RSPH14: variants seen among roughly 807,000 people sequenced by gnomAD.
RSPH14 encodes rhabdoid tumor deletion region gene 1.
RSPH14 carries 20 observed loss-of-function variants against 26.7 expected under a neutral mutation model. The ratio of observed to expected loss-of-function variants is 0.75; its 90% confidence interval spans 0.53 to 1.09. The LOEUF is 1.09. Ranked by LOEUF, RSPH14 falls within the 50% of genes least tolerant of loss-of-function variation. The probability of loss-of-function intolerance (pLI) is 0.00; values close to 1 mark genes in which losing one functional copy is unlikely to be tolerated. For synonymous variants in RSPH14, 177 were observed against 189.3 expected (o/e 0.93, Z 0.53); for missense variants, 449 against 457.2 (o/e 0.98, Z 0.16).
the RSPH14 span, chr22:23,159,334 T>A: frequency 1.5e-6 from 2 of 1,335,558 alleles, no homozygotes; most frequent in Non-Finnish European, 2.1e-6. Flanking sequence ...ATGCAGTGTT[T>A]CCCTCTGTAG....
intron 4 of RSPH14, among the ~76,000 whole-genome samples, chr22:23,126,521 G>A (rs1360709757): frequency 6.6e-6 from 1 of 152,236 alleles, no homozygotes; most frequent in African/African-American, 2.4e-5. Context: ...CAGGGCTCCA[G>A]GGTCGAGTGG....
At chr22:23,162,577 G>C in the RSPH14 span, 1 of 451,268 alleles carries the variant, frequency 2.2e-6, no homozygotes, top group Non-Finnish European at 4.5e-6. Context: ...CACATGCAGA[G>C]CAGACAGAAA....
chr22:23,070,035 C>T (rs1040575256), intron 4 of RSPH14, among the ~76,000 whole-genome samples: 8 of 152,162 alleles, frequency 5.3e-5, no homozygotes, highest in Non-Finnish European at 1.0e-4. Flanking sequence ...CCAGAGGTGG[C>T]CCCTGGGGCT....
At chr22:23,070,315 C>T (rs1245430579) in intron 4 of RSPH14, 1 of 145,202 alleles carries the variant, frequency 6.9e-6, no homozygotes, top group Non-Finnish European at 1.5e-5. Context: ...CGCCCCCTGC[C>T]GGCGGCGGCG....
chr22:23,066,306 TAGA>T (rs2068210286), intron 4 of RSPH14, among the ~76,000 whole-genome samples: 1 of 152,014 alleles, frequency 6.6e-6, no homozygotes, highest in African/African-American at 2.4e-5. Context: ...GGGAGGAATA[TAGA>T]AGGAGTTGAG....
chr22:23,116,732 C>T (rs2069848119), intron 4 of RSPH14, among the ~76,000 whole-genome samples: 1 of 152,224 alleles, frequency 6.6e-6, no homozygotes, highest in South Asian at 2.1e-4. Flanking sequence ...GCTTGTCCCA[C>T]ACAGCTGCCT....
At chr22:23,175,306 AT>A in the RSPH14 span, among the ~76,000 whole-genome samples, 5 of 149,746 alleles carry the variant, frequency 3.3e-5, no homozygotes, top group South Asian at 2.1e-4. Flanking sequence ...CAAAAAATCT[AT>A]TTTTTTTTAA....
At chr22:23,131,366 C>A in intron 4 of RSPH14, 1 of 226,036 alleles carries the variant, frequency 4.4e-6, no homozygotes, top group Non-Finnish European at 9.1e-6. Flanking sequence ...ACATAGTCAC[C>A]AGATTATTAG....
chr22:23,142,849 G>C (rs984151848), upstream of RSPH14, among the ~76,000 whole-genome samples: 2 of 152,202 alleles, frequency 1.3e-5, no homozygotes, highest in African/African-American at 4.8e-5. Context: ...TCTCAGGGCT[G>C]AGTCCAAACT....
At chr22:23,131,390 G>A (rs917094900) in intron 4 of RSPH14, 2 of 226,834 alleles carry the variant, frequency 8.8e-6, no homozygotes. Flanking sequence ...CTCAAGGAAA[G>A]GCAGGAGGAA....
At chr22:23,081,197 G>A (rs1417324831) in intron 4 of RSPH14, among the ~76,000 whole-genome samples, 6 of 152,204 alleles carry the variant, frequency 3.9e-5, no homozygotes, top group Non-Finnish European at 8.8e-5. Context: ...ACAGCCTAAA[G>A]TTCAGATTCC....
intron 4 of RSPH14, among the ~76,000 whole-genome samples, chr22:23,122,217 C>A (rs2070051535): frequency 6.6e-6 from 1 of 152,210 alleles, no homozygotes; most frequent in African/African-American, 2.4e-5. Flanking sequence ...GGGAGTCAGA[C>A]AAGAGCATCA....
At chr22:23,113,720 C>T (rs1231326769) in intron 4 of RSPH14, among the ~76,000 whole-genome samples, 1 of 152,240 alleles carries the variant, frequency 6.6e-6, no homozygotes, top group Non-Finnish European at 1.5e-5. Flanking sequence ...GTGGGGCCCA[C>T]TCGCCCTCTC....
At chr22:23,171,418 C>A in the RSPH14 span, among the ~76,000 whole-genome samples, 1 of 152,208 alleles carries the variant, frequency 6.6e-6, no homozygotes, top group East Asian at 1.9e-4. Flanking sequence ...ATTCAAGCAA[C>A]CCTCCCACCT....
intron 4 of RSPH14, among the ~76,000 whole-genome samples, chr22:23,082,378 T>C (rs953638184): frequency 3.3e-5 from 2 of 61,498 alleles, no homozygotes; most frequent in East Asian, 1.2e-3. Context: ...CACCTGGCTA[T>C]TTTTTTTTTT....
upstream of RSPH14, among the ~76,000 whole-genome samples, chr22:23,142,714 G>T (rs1346897194): frequency 1.3e-5 from 2 of 152,182 alleles, no homozygotes; most frequent in Non-Finnish European, 2.9e-5. Context: ...CAGGCTGACC[G>T]CCTGGTAATG....
chr22:23,140,603 T>C (rs2070579727), intron 1 of RSPH14, 131 bp from the exon 2 acceptor site: 1 of 1,087,006 alleles, frequency 9.2e-7, no homozygotes, highest in Non-Finnish European at 1.3e-6. Context: ...AAACTGAGGC[T>C]GAGAGCAATG....
chr22:23,140,278 A>G lies in RSPH14; in HGVS notation c.143T>C (p.Met48Thr), dbSNP rs752517521. The change falls in exon 2 of 7, where the codon ATG becomes ACG. Residue 48 changes from methionine to threonine, a missense_variant. By Grantham distance (81) the Met-to-Thr change is moderately conservative. Transcript: ENST00000216036. ...EDLQTRQKAL[M>T]ALCDLMHDPE... The stretch of plus-strand genomic sequence containing the variant: ...GTCATGCATGAGGTCACACAAGGCC[A>G]TGAGGGCTTTCTGCCTCGTCTGGAG... The G allele has an allele frequency of 6.2e-7, 1 of 1,614,178 alleles. No individual in the cohort carries two copies. Among genetic ancestry groups the G allele is most frequent in the East Asian group, 2.2e-5 (1 of 44,882 alleles).
chr22:23,068,238 C>G (rs892395234), intron 4 of RSPH14, among the ~76,000 whole-genome samples: 14 of 152,242 alleles, frequency 9.2e-5, no homozygotes, highest in African/African-American at 3.4e-4. Context: ...ACCTCCACGC[C>G]TGCTATGGCC....
Sources: gnomAD v4.1 joint callset for allele counts (sites outside exome capture counted in the v4.1 genomes callset) on GRCh38, gnomAD v4.1.1 for gene constraint, MANE v1.5 for transcripts, NCBI Gene and HGNC (gene_info 2026-07-23, HGNC 2026-07-21) for gene names.